The following RAE1 variants were observed in gnomAD, a reference collection of about 807,000 sequenced individuals.
The protein encoded by RAE1 is ribonucleic acid export 1, also known as mRNA export factor RAE1.
A neutral mutation model predicts 52.7 loss-of-function variants in RAE1; 13 were observed. The observed-to-expected ratio is 0.25, with a 90% CI of 0.16 to 0.39. RAE1 has a LOEUF of 0.39. Among genes scored for constraint, RAE1 ranks in the 10% least tolerant of loss-of-function variants. The probability of loss-of-function intolerance (pLI) is 1.00; values close to 1 mark genes in which losing one functional copy is unlikely to be tolerated. For synonymous variants in RAE1, 164 were observed against 153.1 expected, an observed-to-expected ratio of 1.07 and a Z score of -0.52; for missense variants, 262 against 459.8, an observed-to-expected ratio of 0.57 and a Z score of 3.93.
Position 57,374,674 on chromosome 20 carries a change from G to A in RAE1, c.893G>A (p.Ser298Asn). 1 of 1,614,234 alleles carries A rather than the reference G, an allele frequency of 6.2e-7. No individual in the cohort carries two copies. Among genetic ancestry groups the A allele is most frequent in the South Asian group, 1.1e-5 (1 of 91,086 alleles). Residue 298 changes from serine (S) to asparagine (N), a missense_variant, in exon 11 of 12, where the codon AGC becomes AAC. Transcript: ENST00000395841. ...LATVGSDGRFSFWDKDARTKL... is the reference protein window; with the variant it reads ...LATVGSDGRFNFWDKDARTKL... ...ACTGTGGGATCTGATGGTAGATTCA[G>A]CTTCTGGGACAAAGATGCCAGAACA...
intron 4 of RAE1, chr20:57,358,743 T>A (rs1041424800): frequency 8.0e-6 from 3 of 373,972 alleles, no homozygotes; most frequent in African/African-American, 6.3e-5. Flanking sequence ...TGCGCTGTTA[T>A]CCCTAGGGTA....
intron 11 of RAE1, 77 bp downstream of exon 11, chr20:57,374,878 G>A (rs533331566): frequency 6.6e-7 from 1 of 1,523,648 alleles, no homozygotes; most frequent in East Asian, 2.3e-5. Context: ...CTAGGCCTGA[G>A]TTGTGACTCT....
intron 4 of RAE1, among the ~76,000 whole-genome samples, chr20:57,363,026 C>T (rs1411386512): frequency 6.6e-6 from 1 of 152,166 alleles, no homozygotes; most frequent in African/African-American, 2.4e-5. Context: ...AAGTGATCCA[C>T]CCGCCTTGGC....
intron 1 of RAE1, among the ~76,000 whole-genome samples, chr20:57,353,232 C>G (rs1358823056): frequency 1.3e-5 from 2 of 152,116 alleles, no homozygotes; most frequent in Non-Finnish European, 2.9e-5. Context: ...TTTATTGTAC[C>G]CACTATGAAC....
intron 10 of RAE1, 32 bp from the exon 11 acceptor site, chr20:57,374,575 T>G: frequency 6.3e-7 from 1 of 1,584,396 alleles, no homozygotes; most frequent in Non-Finnish European, 8.6e-7. Context: ...CCCCTCTGCC[T>G]GGCTTCTCAT....
intron 5 of RAE1, among the ~76,000 whole-genome samples, chr20:57,366,268 A>T (rs2066952379): frequency 6.6e-6 from 1 of 152,230 alleles, no homozygotes; most frequent in African/African-American, 2.4e-5. Flanking sequence ...TGTTTTGATT[A>T]TGGGTGTATT....
intron 1 of RAE1, chr20:57,351,685 C>T (rs1399306378): frequency 2.0e-6 from 2 of 985,534 alleles, no homozygotes; most frequent in Middle Eastern, 1.0e-3. Flanking sequence ...TGTGTCGCCT[C>T]TGTCCCTCCC....
At chr20:57,355,088 A>C (rs1007087562) in intron 3 of RAE1, among the ~76,000 whole-genome samples, 2 of 152,234 alleles carry the variant, frequency 1.3e-5, no homozygotes, top group Non-Finnish European at 2.9e-5. Flanking sequence ...TATCATATTC[A>C]TCCAGAGTGA....
At chr20:57,363,174 GTC>G (rs2066912436) in intron 4 of RAE1, among the ~76,000 whole-genome samples, 1 of 152,170 alleles carries the variant, frequency 6.6e-6, no homozygotes, top group Non-Finnish European at 1.5e-5. Flanking sequence ...TTTCAGCTCT[GTC>G]TCTTCCAGGC....
intron 11 of RAE1, among the ~76,000 whole-genome samples, chr20:57,375,995 C>T (rs2067109318): frequency 6.6e-6 from 1 of 152,264 alleles, no homozygotes; most frequent in Non-Finnish European, 1.5e-5. Flanking sequence ...CAGCGCTTTG[C>T]ATTCCCAAGA....
chr20:57,369,071 A>G (rs956367768), intron 8 of RAE1, among the ~76,000 whole-genome samples: 1 of 152,206 alleles, frequency 6.6e-6, no homozygotes, highest in South Asian at 2.1e-4. Flanking sequence ...CCAAGGGAAA[A>G]CTTCTCCTTT....
At chr20:57,351,610 A>G in intron 1 of RAE1, 188 bp downstream of exon 1, 1 of 985,558 alleles carries the variant, frequency 1.0e-6, no homozygotes, top group Non-Finnish European at 1.2e-6. Context: ...CCTAGGGCCT[A>G]ATCCATCGTT....
At chr20:57,364,210 C>G (rs888350556) in intron 4 of RAE1, among the ~76,000 whole-genome samples, 1 of 152,222 alleles carries the variant, frequency 6.6e-6, no homozygotes, top group African/African-American at 2.4e-5. Context: ...AGCAGGTAGA[C>G]TTAGAGCAGC....
At chr20:57,377,463 G>C (rs758063254) in intron 11 of RAE1, among the ~76,000 whole-genome samples, 14 of 152,180 alleles carry the variant, frequency 9.2e-5, no homozygotes, top group Non-Finnish European at 1.6e-4. Context: ...TGATTTCGGG[G>C]GTCTTTCGAT....
rs188794855 is a variant in RAE1, at chr20:57,373,436, T to G, written c.643-39T>G. On this transcript the variant is annotated intron_variant, in intron 8 of 11. Transcript: ENST00000395841. Reference sequence around the variant, plus strand: ...TTCACGTTAGTCATGAAATCTTATATTATGCTGTGATTATGTCTCTTTTTT... The same window carrying G: ...TTCACGTTAGTCATGAAATCTTATAGTATGCTGTGATTATGTCTCTTTTTT... The G allele has an allele frequency of 3.8e-6, 6 of 1,576,250 alleles. No homozygotes were observed. The East Asian group carries it at 1.3e-4, about 35-fold the overall frequency.
intron 8 of RAE1, 164 bp from the exon 9 acceptor site, chr20:57,373,311 G>T (rs2067063728): frequency 1.5e-6 from 1 of 647,496 alleles, no homozygotes; most frequent in African/African-American, 1.8e-5. Context: ...CTTAGATGGA[G>T]TTACTAAGGA....
chr20:57,362,695 G>A (rs571326198), intron 4 of RAE1, among the ~76,000 whole-genome samples: 6 of 152,196 alleles, frequency 3.9e-5, no homozygotes, highest in Non-Finnish European at 7.3e-5. Flanking sequence ...GGATGAACTG[G>A]TGCTGGGTGG....
chr20:57,378,172 A>G lies in RAE1; in HGVS notation c.*73A>G, dbSNP rs1194843278. ...TCATCTCTGTACGAATTTGGGTCCC[A>G]GCCTTGTTGGGTTGTCAGCCATGGA... On this transcript the variant is annotated 3_prime_UTR_variant, in exon 12 of 12. Transcript: ENST00000395841. 7 of 1,258,314 alleles carry G rather than the reference A, an allele frequency of 5.6e-6. No homozygotes were observed. Among genetic ancestry groups the G allele is most frequent in the South Asian group, 1.4e-5 (1 of 71,964 alleles). 77.9% of individuals were successfully genotyped at this position (1,258,314 alleles called of 1,614,324 possible). A position where few individuals can be genotyped will look rare whatever the true frequency, so the allele number is the denominator to read the frequency against.
At chr20:57,374,898 T>A (rs1430398225) in intron 11 of RAE1, 97 bp downstream of exon 11, 4 of 1,358,108 alleles carry the variant, frequency 2.9e-6, no homozygotes, top group Non-Finnish European at 4.2e-6. Context: ...TTCTCAGGAC[T>A]CACGTGTGTC....
Sources: gnomAD v4.1 joint callset for allele counts (sites outside exome capture counted in the v4.1 genomes callset) on GRCh38, gnomAD v4.1.1 for gene constraint, MANE v1.5 for transcripts, NCBI Gene and HGNC (gene_info 2026-07-23, HGNC 2026-07-21) for gene names.